Variants in IQCH observed in about 807,000 individuals in gnomAD.
IQCH encodes the protein IQ motif containing H, also known as IQ domain-containing protein H.
IQCH carries 98 observed loss-of-function variants against 117.0 expected under a neutral mutation model. That is an observed-to-expected ratio of 0.84 (90% CI 0.71 to 0.99). The LOEUF is 0.99. Among genes scored for constraint, IQCH ranks in the 50% least tolerant of loss-of-function variants. IQCH has a pLI of 0.00. For missense variants in IQCH, 1,102 were observed against 1,243.8 expected (o/e 0.89, Z 1.72); for synonymous variants, 412 against 448.2 (o/e 0.92, Z 1.02).
intron 4 of IQCH, among the ~76,000 whole-genome samples, chr15:67,290,445 A>AT (rs1014411254): frequency 1.1e-4 from 16 of 152,178 alleles, no homozygotes; most frequent in Admixed American, 5.9e-4. Context: ...ACAAAATTCA[A>AT]TTGTGGTGAT....
At chr15:67,371,617 A>C in intron 8 of IQCH, 2 of 811,558 alleles carry the variant, frequency 2.5e-6, no homozygotes, top group South Asian at 3.6e-5. Context: ...AAAATGCTAA[A>C]AAGTGATGAT....
At chr15:67,350,166 A>ACAAT (rs1969592845) in intron 6 of IQCH, among the ~76,000 whole-genome samples, 1 of 152,260 alleles carries the variant, frequency 6.6e-6, no homozygotes, top group African/African-American at 2.4e-5. Flanking sequence ...GTACATCCAT[A>ACAAT]CAATGGAGTA....
At chr15:67,414,699 T>C (rs1346036368) in intron 14 of IQCH, among the ~76,000 whole-genome samples, 1 of 149,794 alleles carries the variant, frequency 6.7e-6, no homozygotes, top group Middle Eastern at 3.2e-3. Context: ...TATATGTGTA[T>C]ATATATCACT....
intron 3 of IQCH, among the ~76,000 whole-genome samples, chr15:67,275,819 G>T (rs1020462790): frequency 2.0e-5 from 3 of 152,224 alleles, no homozygotes; most frequent in Non-Finnish European, 4.4e-5. Context: ...TATTGAGGCT[G>T]CAGTGAGCCG....
chr15:67,474,181 C>T lies in IQCH; in HGVS notation c.2677-1515C>T, dbSNP rs753381421. ...CACTCAGTCAGCCCCAGTTCCCTTG[C>T]GTTATCTCAGAGACAGGAGGCGAGC... On this transcript the variant is annotated intron_variant, in intron 17 of 20. Transcript: ENST00000335894. The surrounding 1 kb of genome is among the most constrained non-coding windows in gnomAD (Gnocchi z 4.1). 6.6e-6 allele frequency among the ~76,000 whole-genome samples: 1 copy of T among 151,802 alleles called. No homozygotes were observed. The highest frequency in any genetic ancestry group is 2.4e-5 in the African/African-American group (1 of 41,284).
intron 18 of IQCH, 35 bp from the exon 19 acceptor site, chr15:67,489,968 A>T: frequency 7.2e-7 from 1 of 1,381,738 alleles, no homozygotes; most frequent in Non-Finnish European, 1.0e-6. Flanking sequence ...CTGAGATAAT[A>T]TACTATTTCT....
chr15:67,412,738 G>A (rs1302030623), intron 14 of IQCH, among the ~76,000 whole-genome samples: 1 of 152,244 alleles, frequency 6.6e-6, no homozygotes, highest in Non-Finnish European at 1.5e-5. Context: ...ATGTGCCCCT[G>A]TTGCTGGCTT....
chr15:67,406,763 C>T lies in IQCH; in HGVS notation c.2097+6458C>T, dbSNP rs1971923785. 1 of 152,142 alleles carries T rather than the reference C, an allele frequency of 6.6e-6. No homozygotes were observed. Among genetic ancestry groups the T allele is most frequent in the Admixed American group, 6.6e-5 (1 of 15,262 alleles). The allele number at this position is 152,142 out of a possible 1,614,324, so 9.4% of individuals were successfully genotyped here. Reference sequence around the variant, plus strand: ...CTGGGGGATAACTATAGGCAAATTACTTCAGCTCTCCAAGTCTCCCTTTCT... The same window carrying T: ...CTGGGGGATAACTATAGGCAAATTATTTCAGCTCTCCAAGTCTCCCTTTCT... On this transcript the variant is annotated intron_variant, in intron 14 of 20. Coordinates refer to ENST00000335894, the MANE Select transcript of IQCH (RefSeq NM_001031715.3). This position sits in a 1 kb window ranked among gnomAD's most constrained non-coding sequence, Gnocchi z 4.5.
chr15:67,501,168 G>C lies in IQCH; in HGVS notation c.*422G>C, dbSNP rs1191536622. 6.6e-6 allele frequency: 1 copy of C among 152,036 alleles called. No homozygotes were observed. Among genetic ancestry groups the C allele is most frequent in the East Asian group, 1.9e-4 (1 of 5,206 alleles). The allele number at this position is 152,036 out of a possible 1,614,324, so 9.4% of individuals were successfully genotyped here. On this transcript the variant is annotated 3_prime_UTR_variant, in exon 21 of 21. Coordinates refer to ENST00000335894, the MANE Select transcript of IQCH (RefSeq NM_001031715.3). The surrounding 1 kb of genome is among the most constrained non-coding windows in gnomAD (Gnocchi z 5.2). ...TTCTGCATTTATAGGTTTGAATAAA[G>C]GCTTAAGAATTGCTATTTGTCAAAA...
chr15:67,423,863 A>G (rs1476458675), intron 16 of IQCH, among the ~76,000 whole-genome samples: 1 of 151,988 alleles, frequency 6.6e-6, no homozygotes, highest in African/African-American at 2.4e-5. Context: ...AAAAAAAAAA[A>G]AAAAGAAAAG....
At position 67,413,453 on chromosome 15, in the gene IQCH, G is replaced by C. The variant is rs930146989; in HGVS notation, c.2098-3478G>C. 2.6e-5 allele frequency: 4 copies of C among 152,030 alleles called. No homozygotes were observed. The highest frequency in any genetic ancestry group is 1.3e-4 in the Admixed American group (2 of 15,260). The allele number at this position is 152,030 out of a possible 1,614,324, so 9.4% of individuals were successfully genotyped here. A position where few individuals can be genotyped will look rare whatever the true frequency, so the allele number is the denominator to read the frequency against. On this transcript the variant is annotated intron_variant, in intron 14 of 20. Coordinates refer to ENST00000335894, the MANE Select transcript of IQCH (RefSeq NM_001031715.3). The surrounding 1 kb of genome is among the most constrained non-coding windows in gnomAD (Gnocchi z 5.0). ...CTGTAAAGGGTTGTTTTGTTGGGGGGATAAAATAAAATGAAGCTTTTACCA... is the reference window on the plus strand; with the variant it reads ...CTGTAAAGGGTTGTTTTGTTGGGGGCATAAAATAAAATGAAGCTTTTACCA...
Position 67,426,556 on chromosome 15 carries a change from A to C in IQCH, c.2505+4979A>C, listed in dbSNP as rs1356680150. Reference sequence around the variant, plus strand: ...TATAACTATTACATATCAATAAAAAATACCAAAAAAAAACCCAACCTCATA... The same window carrying C: ...TATAACTATTACATATCAATAAAAACTACCAAAAAAAAACCCAACCTCATA... On this transcript the variant is annotated intron_variant, in intron 16 of 20. Coordinates refer to ENST00000335894, the MANE Select transcript of IQCH (RefSeq NM_001031715.3). This position sits in a 1 kb window ranked among gnomAD's most constrained non-coding sequence, Gnocchi z 5.1. Among the ~76,000 whole-genome samples the C allele has an allele frequency of 1.3e-5, 2 of 151,330 alleles. No homozygotes were observed. The highest frequency in any genetic ancestry group is 2.9e-5 in the Non-Finnish European group (2 of 67,838).
intron 4 of IQCH, among the ~76,000 whole-genome samples, chr15:67,286,552 G>A (rs192728262): frequency 1.3e-5 from 2 of 152,056 alleles, no homozygotes; most frequent in East Asian, 3.9e-4. Context: ...CATTCAGTAT[G>A]ATACTAGCTG....
Position 67,400,081 on chromosome 15 carries a change from G to GTATTAAATGCAGCTGTGTCT in IQCH, c.1906-31_1906-12dup, listed in dbSNP as rs759574513. 2.5e-4 allele frequency: 402 copies of GTATTAAATGCAGCTGTGTCT among 1,581,708 alleles called. 2 individuals are homozygous for GTATTAAATGCAGCTGTGTCT. The East Asian group carries it at 7.0e-3, about 28-fold the overall frequency. On this transcript the variant is annotated intron_variant, in intron 13 of 20. Coordinates refer to ENST00000335894, the MANE Select transcript of IQCH (RefSeq NM_001031715.3). ...AAAAAGGAATCCCAGGAAATGAACT[G>GTATTAAATGCAGCTGTGTCT]TATTAAATGCAGCTGTGTCTTTGGC...
At chr15:67,314,593 G>A (rs1967759731) in intron 4 of IQCH, among the ~76,000 whole-genome samples, 1 of 150,604 alleles carries the variant, frequency 6.6e-6, no homozygotes, top group Non-Finnish European at 1.5e-5. Flanking sequence ...TGTCCAAATT[G>A]TTCTTATTTA....
rs1191447471 is a variant in IQCH, at chr15:67,424,361, C to T, written c.2505+2784C>T. On this transcript the variant is annotated intron_variant, in intron 16 of 20. Transcript: ENST00000335894. This position sits in a 1 kb window ranked among gnomAD's most constrained non-coding sequence, Gnocchi z 4.9. Reference sequence around the variant, plus strand: ...GACCTTCCTGACAAAGTCAAATTCTCCTTTTTTAGGTTTTCATATCATTGT... The same window carrying T: ...GACCTTCCTGACAAAGTCAAATTCTTCTTTTTTAGGTTTTCATATCATTGT... Among the ~76,000 whole-genome samples, 1 of 152,222 alleles carries T rather than the reference C, an allele frequency of 6.6e-6. No individual in the cohort carries two copies. Among genetic ancestry groups the T allele is most frequent in the Non-Finnish European group, 1.5e-5 (1 of 68,040 alleles).
rs1345687474 is a variant in IQCH, at chr15:67,443,300, G to A, written c.2505+21723G>A. On this transcript the variant is annotated intron_variant, in intron 16 of 20. Coordinates refer to ENST00000335894, the MANE Select transcript of IQCH (RefSeq NM_001031715.3). The surrounding 1 kb of genome is among the most constrained non-coding windows in gnomAD (Gnocchi z 5.0). ...AGCCACTGCGCCCAGCCTGGAGACT[G>A]TTATTCTAAGTGAAGTAACTCAGGA... is the stretch of plus-strand genomic sequence containing the variant. Among the ~76,000 whole-genome samples the A allele has an allele frequency of 6.6e-6, 1 of 152,126 alleles. No individual in the cohort carries two copies. Among genetic ancestry groups the A allele is most frequent in the Non-Finnish European group, 1.5e-5 (1 of 68,030 alleles).
At chr15:67,311,361 C>A (rs1167772664) in intron 4 of IQCH, among the ~76,000 whole-genome samples, 2 of 151,786 alleles carry the variant, frequency 1.3e-5, no homozygotes, top group African/African-American at 4.8e-5. Flanking sequence ...TTTGAAATTA[C>A]TTATTTGTTA....
intron 3 of IQCH, among the ~76,000 whole-genome samples, chr15:67,277,822 C>T (rs572908863): frequency 7.2e-5 from 11 of 152,144 alleles, no homozygotes; most frequent in African/African-American, 2.7e-4. Flanking sequence ...CTTGAGCCAC[C>T]GCGCCTGGCC....
Sources: allele counts gnomAD v4.1 joint callset (sites outside exome capture counted in the v4.1 genomes callset), GRCh38; gene constraint gnomAD v4.1.1; non-coding constraint Gnocchi (gnomAD v3.1); transcripts MANE v1.5; gene names NCBI Gene and HGNC (gene_info 2026-07-23, HGNC 2026-07-21).